AGBL1: variants seen among roughly 807,000 people sequenced by gnomAD.
The protein encoded by AGBL1 is AGBL carboxypeptidase 1.
AGBL1 carries 130 observed loss-of-function variants against 118.9 expected under a neutral mutation model. The observed-to-expected ratio is 1.09, with a 90% CI of 0.95 to 1.26. AGBL1 has a LOEUF of 1.26. AGBL1 is among the 50% of genes most tolerant of loss of function. The pLI, the probability that AGBL1 is intolerant of heterozygous loss-of-function variation, is 0.00. For missense variants in AGBL1, 1,584 were observed against 1,298.1 expected, an observed-to-expected ratio of 1.22 and a Z score of -3.38; for synonymous variants, 555 against 478.9, an observed-to-expected ratio of 1.16 and a Z score of -2.08.
chr15:86,666,943 T>A (rs1314885995), intron 21 of AGBL1, among the ~76,000 whole-genome samples: 1 of 152,164 alleles, frequency 6.6e-6, no homozygotes, highest in Non-Finnish European at 1.5e-5. Context: ...TGCCAGGCTA[T>A]CTTCTCAGGT....
intron 21 of AGBL1, chr15:86,631,187 C>G (rs1567092351): frequency 6.6e-6 from 1 of 152,220 alleles, no homozygotes; most frequent in Non-Finnish European, 1.5e-5. Context: ...GGCCTTGGGA[C>G]CAGGCCTGAG....
intron 18 of AGBL1, among the ~76,000 whole-genome samples, chr15:86,500,959 T>C (rs2082911161): frequency 6.6e-6 from 1 of 151,718 alleles, no homozygotes; most frequent in African/African-American, 2.4e-5. Context: ...GCTATAAACA[T>C]CCATGTGCAA....
intron 23 of AGBL1, among the ~76,000 whole-genome samples, chr15:86,933,654 C>T (rs113371089): frequency 5.3e-5 from 8 of 152,310 alleles, no homozygotes; most frequent in African/African-American, 1.7e-4. Flanking sequence ...TAGGTGATTA[C>T]ATCCCCTCCT....
At chr15:86,735,624 G>C (rs1303140957) in intron 22 of AGBL1, among the ~76,000 whole-genome samples, 2 of 145,358 alleles carry the variant, frequency 1.4e-5, no homozygotes, top group Admixed American at 1.4e-4. Context: ...GTGTGTGTGT[G>C]TGTGTGTGTG....
At chr15:86,511,392 A>T (rs1391278011) in intron 18 of AGBL1, among the ~76,000 whole-genome samples, 1 of 152,026 alleles carries the variant, frequency 6.6e-6, no homozygotes, top group Non-Finnish European at 1.5e-5. Flanking sequence ...GGGAGCAGAC[A>T]CCTTTCATTT....
chr15:86,142,106 G>A (rs151320421), intron 2 of AGBL1, 39 bp downstream of exon 2: 10 of 1,544,116 alleles, frequency 6.5e-6, no homozygotes, highest in African/African-American at 1.4e-5. Context: ...TATGGCGGAT[G>A]TGGAGCCTGC....
At chr15:86,650,427 C>A (rs1356588025) in intron 21 of AGBL1, among the ~76,000 whole-genome samples, 1 of 152,100 alleles carries the variant, frequency 6.6e-6, no homozygotes, top group Non-Finnish European at 1.5e-5. Flanking sequence ...TACTTCTGGT[C>A]AAAATGACTA....
At chr15:86,864,130 AG>A (rs1313808621) in intron 22 of AGBL1, among the ~76,000 whole-genome samples, 1 of 152,186 alleles carries the variant, frequency 6.6e-6, no homozygotes, top group Non-Finnish European at 1.5e-5. Context: ...AATAGCTGCC[AG>A]AGGCTCTTTC....
chr15:86,209,916 T>A (rs913233827), intron 5 of AGBL1, among the ~76,000 whole-genome samples: 4 of 152,234 alleles, frequency 2.6e-5, no homozygotes, highest in African/African-American at 4.8e-5. Context: ...GCATTGATGG[T>A]CTTTACAATT....
chr15:86,438,826 T>A (rs530589757), intron 18 of AGBL1, among the ~76,000 whole-genome samples: 23 of 152,006 alleles, frequency 1.5e-4, no homozygotes, highest in Non-Finnish European at 3.1e-4. Flanking sequence ...CATGCCTAGC[T>A]AATTTTTATA....
At chr15:86,805,876 GA>G (rs2078707996) in intron 22 of AGBL1, among the ~76,000 whole-genome samples, 1 of 152,106 alleles carries the variant, frequency 6.6e-6, no homozygotes, top group Non-Finnish European at 1.5e-5. Flanking sequence ...GTTTGTGACA[GA>G]CCCAATAGAA....
intron 18 of AGBL1, among the ~76,000 whole-genome samples, chr15:86,479,935 G>C (rs4380032): frequency 0.46 from 69,892 of 151,976 alleles, 16,675 homozygotes; most frequent in Middle Eastern, 0.56. Context: ...ATCCTTTGTA[G>C]GGACATGGAT....
intron 1 of AGBL1, among the ~76,000 whole-genome samples, chr15:86,082,361 C>T (rs958518916): frequency 5.3e-5 from 8 of 152,222 alleles, no homozygotes; most frequent in Non-Finnish European, 1.0e-4. Flanking sequence ...TCTTCTTGTG[C>T]ACAAGGTGAC....
intron 17 of AGBL1, among the ~76,000 whole-genome samples, chr15:86,311,405 T>A (rs2079919398): frequency 6.6e-6 from 1 of 152,188 alleles, no homozygotes; most frequent in Admixed American, 6.5e-5. Flanking sequence ...AATTTGAAGG[T>A]CTGTTTGTAA....
rs962780410 is a variant in AGBL1 at position 86,949,941 on chromosome 15, A to C, written c.3222-38046A>C. Reference sequence around the variant, plus strand: ...CAACAAATTTCTAAGGAATGATTGTATGTAGAGTACGTTCTCTGATTACAG... The same window carrying C: ...CAACAAATTTCTAAGGAATGATTGTCTGTAGAGTACGTTCTCTGATTACAG... On this transcript the variant is annotated intron_variant, in intron 23 of 24. Coordinates refer to the AGBL1 transcript ENST00000441037. Among the ~76,000 whole-genome samples the C allele has an allele frequency of 7.9e-5, 12 of 152,088 alleles. 1 individual carries two copies. Among genetic ancestry groups the C allele is most frequent in the Admixed American group, 3.9e-4 (6 of 15,256 alleles).
intron 21 of AGBL1, among the ~76,000 whole-genome samples, chr15:86,667,269 T>C (rs2085664188): frequency 6.6e-6 from 1 of 151,876 alleles, no homozygotes; most frequent in Admixed American, 6.6e-5. Flanking sequence ...TATCTATCTA[T>C]CTGTCTATCT....
At chr15:86,419,150 A>C (rs2081747035) in intron 18 of AGBL1, among the ~76,000 whole-genome samples, 1 of 151,258 alleles carries the variant, frequency 6.6e-6, no homozygotes, top group South Asian at 2.1e-4. Flanking sequence ...TAAACGGCAA[A>C]ATTTGGGGGG....
In AGBL1 at chr15:86,618,333, C is replaced by T. The variant is rs984772561; in HGVS notation, c.2995-55940C>T. Among the ~76,000 whole-genome samples, 41 of 152,250 alleles carry T rather than the reference C, an allele frequency of 2.7e-4. 1 individual carries two copies. The highest frequency in any genetic ancestry group is 1.6e-4 in the Non-Finnish European group (11 of 68,018). The stretch of plus-strand genomic sequence containing the variant: ...GATGAGGCTAAGATGATTTAAAGAC[C>T]TCTCCCCACTTTAGATGGGGCTCAT... On this transcript the variant is annotated intron_variant, in intron 21 of 22. Transcript: ENST00000614907.
intron 18 of AGBL1, among the ~76,000 whole-genome samples, chr15:86,485,438 A>G (rs1354168555): frequency 6.6e-6 from 1 of 152,144 alleles, no homozygotes; most frequent in Non-Finnish European, 1.5e-5. Flanking sequence ...CTTTCTGTCA[A>G]GGGCTTATAG....
Sources: gnomAD v4.1 joint callset for allele counts (sites outside exome capture counted in the v4.1 genomes callset) on GRCh38, gnomAD v4.1.1 for gene constraint, MANE v1.5 for transcripts, NCBI Gene and HGNC (gene_info 2026-07-23, HGNC 2026-07-21) for gene names.